The following FGGY variants were observed in gnomAD, a reference collection of about 807,000 sequenced individuals.
FGGY encodes FGGY carbohydrate kinase domain-containing protein.
FGGY carries 72 observed loss-of-function variants against 71.3 expected under a neutral mutation model. The ratio of observed to expected loss-of-function variants is 1.01; its 90% CI spans 0.84 to 1.23. The LOEUF (loss-of-function observed/expected upper bound fraction) is 1.23. FGGY is among the 50% of genes most tolerant of loss of function. The probability of loss-of-function intolerance (pLI) is 0.00; values close to 1 mark genes in which losing one functional copy is unlikely to be tolerated. For synonymous variants in FGGY, 251 were observed against 250.3 expected, an observed-to-expected ratio of 1.00 and a Z score of -0.02; for missense variants, 668 against 682.3, an observed-to-expected ratio of 0.98 and a Z score of 0.23.
intron 4 of FGGY, among the ~76,000 whole-genome samples, chr1:59,378,538 C>T (rs1038332973): frequency 1.3e-5 from 2 of 150,788 alleles, no homozygotes; most frequent in Non-Finnish European, 3.0e-5. Context: ...AGGGAAATTA[C>T]GATCATTTTT....
At chr1:59,417,457 A>C (rs571474887) in intron 5 of FGGY, among the ~76,000 whole-genome samples, 1 of 152,194 alleles carries the variant, frequency 6.6e-6, no homozygotes, top group African/African-American at 2.4e-5. Flanking sequence ...TCTTGAGCCT[A>C]TTAGAAGGAG....
At chr1:59,684,245 T>C (rs1475373380) in intron 14 of FGGY, among the ~76,000 whole-genome samples, 2 of 152,216 alleles carry the variant, frequency 1.3e-5, no homozygotes, top group African/African-American at 4.8e-5. Context: ...GACTATTTCC[T>C]TGGACTCAAA....
intron 5 of FGGY, among the ~76,000 whole-genome samples, chr1:59,409,598 T>TATA (rs1553185795): frequency 5.0e-4 from 53 of 105,776 alleles, no homozygotes; most frequent in Non-Finnish European, 8.5e-4. Flanking sequence ...GAAGAGTTTT[T>TATA]TATATATATA....
intron 8 of FGGY, 123 bp downstream of exon 8, chr1:59,554,350 C>G (rs975076683): frequency 1.3e-5 from 9 of 680,810 alleles, no homozygotes; most frequent in Non-Finnish European, 1.9e-5. Context: ...GCCCCTTGTG[C>G]TTTGTCTAGC....
chr1:59,526,209 G>A (rs2094974676), intron 7 of FGGY, among the ~76,000 whole-genome samples: 2 of 152,218 alleles, frequency 1.3e-5, no homozygotes, highest in Admixed American at 1.3e-4. Flanking sequence ...ACTGCTGAGT[G>A]TTATGAAGAA....
chr1:59,606,301 TC>T (rs2096622827), intron 8 of FGGY, among the ~76,000 whole-genome samples: 1 of 152,204 alleles, frequency 6.6e-6, no homozygotes, highest in Non-Finnish European at 1.5e-5. Flanking sequence ...TTAGCTTATG[TC>T]CCTTTCTCTA....
chr1:59,616,945 TG>T (rs1217621875), intron 9 of FGGY, among the ~76,000 whole-genome samples: 1 of 152,160 alleles, frequency 6.6e-6, no homozygotes, highest in Non-Finnish European at 1.5e-5. Flanking sequence ...CCACCAGTGA[TG>T]GCCTTTTAAT....
intron 1 of FGGY, among the ~76,000 whole-genome samples, chr1:59,299,861 A>C (rs376833397): frequency 1.3e-5 from 2 of 152,258 alleles, no homozygotes; most frequent in East Asian, 3.9e-4. Context: ...GCAGAGCAGG[A>C]AATCGGAATG....
At chr1:59,343,613 ATTC>A (rs979115991) in intron 3 of FGGY, among the ~76,000 whole-genome samples, 10 of 152,282 alleles carry the variant, frequency 6.6e-5, no homozygotes, top group South Asian at 4.1e-4. Flanking sequence ...ACTGTGGCAC[ATTC>A]TTCTTGATAT....
chr1:59,347,676 G>T (rs1041091140), intron 4 of FGGY, among the ~76,000 whole-genome samples: 5 of 152,022 alleles, frequency 3.3e-5, no homozygotes, highest in African/African-American at 1.2e-4. Context: ...TCTGATCTTT[G>T]ACAAACCTGA....
rs949526988 is a variant in FGGY at position 59,682,626 on chromosome 1, C to G, written c.1512+8493C>G. Among the ~76,000 whole-genome samples the G allele has an allele frequency of 2.6e-5, 4 of 152,306 alleles. No homozygotes were observed. The South Asian group carries it at 8.3e-4, about 32-fold the overall frequency. The stretch of plus-strand genomic sequence containing the variant: ...AGGGCTGCACTGTTAACCCTATTCT[C>G]CCTCTCTCTAATCTCCTGCCTGCCT... On this transcript the variant is annotated intron_variant, in intron 14 of 15. Coordinates refer to ENST00000303721, the MANE Select transcript of FGGY (RefSeq NM_018291.5).
Position 59,493,130 on chromosome 1 carries a change from C to CACACACACAA in FGGY, c.671-19180_671-19179insCACACACAAA, listed in dbSNP as rs3220800. Among the ~76,000 whole-genome samples the CACACACACAA allele has an allele frequency of 1.3e-3, 190 of 150,380 alleles. 1 individual carries two copies. Among genetic ancestry groups the CACACACACAA allele is most frequent in the Middle Eastern group, 6.8e-3 (2 of 294 alleles). ...ACACACACACACACACACACACACACAAAACAGAAAGTAAGTGTTGGTGAA... is the reference window on the plus strand; with the variant it reads ...ACACACACACACACACACACACACACACACACACAAAAAACAGAAAGTAAGTGTTGGTGAA... On this transcript the variant is annotated intron_variant, in intron 6 of 15. Coordinates refer to ENST00000303721, the MANE Select transcript of FGGY (RefSeq NM_018291.5).
chr1:59,530,222 C>A (rs2095103449), intron 7 of FGGY, among the ~76,000 whole-genome samples: 1 of 152,166 alleles, frequency 6.6e-6, no homozygotes, highest in Admixed American at 6.5e-5. Flanking sequence ...AGTGCACATA[C>A]TGTAGGAAAG....
Position 59,340,014 on chromosome 1 carries a change from G to T in FGGY, c.258G>T (p.Thr86=), listed in dbSNP as rs929484508. 6.2e-7 allele frequency: 1 copy of T among 1,613,380 alleles called. No homozygotes were observed. Among genetic ancestry groups the T allele is most frequent in the African/African-American group, 1.3e-5 (1 of 75,024 alleles). Residue 86 remains threonine (T), a synonymous_variant, in exon 3 of 16, where the codon ACG becomes ACT. Coordinates refer to ENST00000303721, the MANE Select transcript of FGGY (RefSeq NM_018291.5). ...TTCGAGGACTTGGGTTTGATGCCAC[G>T]TGTTCTCTGGTTGTTTTGGATAAGC... ...NQIRGLGFDA[T]CSLVVLDKQF... is the part of the protein sequence containing the mutation.
At position 59,747,756 on chromosome 1, in the gene FGGY, G is replaced by C. The variant is rs58557646; in HGVS notation, c.1513-10175G>C. On this transcript the variant is annotated intron_variant, in intron 14 of 15. Coordinates refer to ENST00000303721, the MANE Select transcript of FGGY (RefSeq NM_018291.5). ...TGAATCCACCTTCCTGCCTTTGTAA[G>C]CACAATATAATGACCATAATTGAAT... Among the ~76,000 whole-genome samples the C allele has an allele frequency of 6.5e-3, 989 of 152,312 alleles. 13 individuals carry two copies. The highest frequency in any genetic ancestry group is 0.023 in the African/African-American group (949 of 41,562).
At chr1:59,520,488 C>G (rs965831558) in intron 7 of FGGY, among the ~76,000 whole-genome samples, 2 of 152,122 alleles carry the variant, frequency 1.3e-5, no homozygotes, top group Admixed American at 6.5e-5. Flanking sequence ...AAATTTAATC[C>G]ATTCTTAGAA....
chr1:59,743,580 T>G (rs1032676749), intron 14 of FGGY, among the ~76,000 whole-genome samples: 1 of 149,026 alleles, frequency 6.7e-6, no homozygotes, highest in Admixed American at 6.8e-5. Context: ...AATACAGGGC[T>G]GGAGCCTCCT....
At chr1:59,759,069 GA>G (rs2098319916) in intron 15 of FGGY, among the ~76,000 whole-genome samples, 1 of 152,172 alleles carries the variant, frequency 6.6e-6, no homozygotes, top group Non-Finnish European at 1.5e-5. Context: ...TGCTGGTAGT[GA>G]TTTTGAAGAT....
At chr1:59,354,279 A>G (rs1474613196) in intron 4 of FGGY, among the ~76,000 whole-genome samples, 2 of 152,084 alleles carry the variant, frequency 1.3e-5, no homozygotes, top group African/African-American at 4.8e-5. Context: ...AGGTTTTACC[A>G]TGTTGCCCAG....
Sources: gnomAD v4.1 joint callset for allele counts (sites outside exome capture counted in the v4.1 genomes callset) on GRCh38, gnomAD v4.1.1 for gene constraint, MANE v1.5 for transcripts, NCBI Gene and HGNC (gene_info 2026-07-23, HGNC 2026-07-21) for gene names.